NOS1: variants seen among roughly 807,000 people sequenced by gnomAD.
The protein encoded by NOS1 is nitric oxide synthase 1, also known as NOS type I.
NOS1 carries 51 observed loss-of-function variants against 164.5 expected under a neutral mutation model. The observed-to-expected ratio is 0.31, with a 90% CI of 0.25 to 0.39. The LOEUF is 0.39. Ranked by LOEUF, NOS1 falls within the 10% of genes least tolerant of loss-of-function variation. NOS1 has a pLI of 1.00. For synonymous variants in NOS1, 719 were observed against 745.8 expected (o/e 0.96, Z 0.59); for missense variants, 1,362 against 1,885.6 (o/e 0.72, Z 5.14).
Position 117,260,073 on chromosome 12 carries a change from C to T in NOS1, c.2367+392G>A, listed in dbSNP as rs1219667974. Among the ~76,000 whole-genome samples the T allele has an allele frequency of 1.0e-4, 15 of 148,678 alleles. No individual in the cohort carries two copies. In the South Asian group the frequency reaches 1.5e-3, roughly 15 times the overall value. On this transcript the variant is annotated intron_variant, in intron 14 of 28. Transcript: ENST00000317775. ...GGTGGAGCTTGCAGTGAGCCGAGATCGCGCCACTGCACTCCAGCCTGGGTG... is the reference window on the plus strand; with the variant it reads ...GGTGGAGCTTGCAGTGAGCCGAGATTGCGCCACTGCACTCCAGCCTGGGTG...
intron 16 of NOS1, among the ~76,000 whole-genome samples, chr12:117,255,721 G>C (rs1400302445): frequency 6.6e-6 from 1 of 152,212 alleles, no homozygotes; most frequent in Non-Finnish European, 1.5e-5. Flanking sequence ...GAAGTGGGTA[G>C]GGCAGAGCTA....
At chr12:117,340,385 C>G (rs1876040262) in intron 1 of NOS1, among the ~76,000 whole-genome samples, 1 of 152,194 alleles carries the variant, frequency 6.6e-6, no homozygotes, top group African/African-American at 2.4e-5. Flanking sequence ...GTCTGATTCT[C>G]TACTTGGCTT....
At chr12:117,283,566 A>G (rs1434379281) in intron 7 of NOS1, among the ~76,000 whole-genome samples, 1 of 152,140 alleles carries the variant, frequency 6.6e-6, no homozygotes, top group African/African-American at 2.4e-5. Flanking sequence ...TTTGAAAACT[A>G]CCAGAAGAGA....
chr12:117,359,873 G>GTT lies in NOS1; in HGVS notation c.-421+1637_-421+1638dup, dbSNP rs1366549368. 5.6e-4 allele frequency among the ~76,000 whole-genome samples: 19 copies of GTT among 33,980 alleles called. 1 individual carries two copies. Among genetic ancestry groups the GTT allele is most frequent in the East Asian group, 9.5e-4 (1 of 1,048 alleles). 22.3% of individuals were successfully genotyped at this position (33,980 alleles called of 152,430 possible). The stretch of plus-strand genomic sequence containing the variant: ...CCGGTCCCAGAGCATTACAATAATG[G>GTT]TTTTATATATATATATATATATATA... On this transcript the variant is annotated intron_variant, in intron 1 of 28. Transcript: ENST00000317775.
At chr12:117,285,212 GCTCCCCA>G in intron 7 of NOS1, 22 bp downstream of exon 7, 1 of 1,536,734 alleles carries the variant, frequency 6.5e-7, no homozygotes, top group Middle Eastern at 1.7e-4. Context: ...TTGACCTCCT[GCTCCCCA>G]GTGCCCAGCT....
Position 117,247,477 on chromosome 12 carries a change from G to A in NOS1, c.2694C>T (p.Cys898=), listed in dbSNP as rs375782081. 149 of 1,612,224 alleles carry A rather than the reference G, an allele frequency of 9.2e-5. No individual in the cohort carries two copies. The highest frequency in any genetic ancestry group is 1.2e-4 in the South Asian group (11 of 90,736). Residue 898 remains cysteine (C), a synonymous_variant, in exon 18 of 29, where the codon TGC becomes TGT. Transcript: ENST00000317775. ...GLGSRAYPHF[C]AFGHAVDTLL... ...GGGTGTCCACAGCGTGTCCGAAGGCGCAAAAGTGAGGGTATGCTCGTGAGC... is the reference window on the plus strand; with the variant it reads ...GGGTGTCCACAGCGTGTCCGAAGGCACAAAAGTGAGGGTATGCTCGTGAGC...
rs567216502 is a variant in NOS1 at position 117,344,208 on chromosome 12, G to A, written c.-420-12719C>T. Among the ~76,000 whole-genome samples, 16 of 152,294 alleles carry A rather than the reference G, an allele frequency of 1.1e-4. No homozygotes were observed. The East Asian group carries it at 1.2e-3, about 11-fold the overall frequency. On this transcript the variant is annotated intron_variant, in intron 1 of 28. Coordinates refer to ENST00000317775, the MANE Select transcript of NOS1 (RefSeq NM_000620.5). Reference sequence around the variant, plus strand: ...CATTTGCTGGCCACATGGAGCTAAAGCACCACAGGTCTGCTTTCATCTGCA... The same window carrying A: ...CATTTGCTGGCCACATGGAGCTAAAACACCACAGGTCTGCTTTCATCTGCA...
At chr12:117,294,465 T>C (rs190575107) in intron 3 of NOS1, among the ~76,000 whole-genome samples, 220 of 152,306 alleles carry the variant, frequency 1.4e-3, no homozygotes, top group Admixed American at 0.011. Context: ...CCCTCCGCCC[T>C]GGGTTTCACT....
Position 117,234,776 on chromosome 12 carries a change from G to C in NOS1, c.3042-18C>G, listed in dbSNP as rs1269904616. The stretch of plus-strand genomic sequence containing the variant: ...TTGACCGACTGCAGGAAATTGCAGA[G>C]GAATCATAGGACAAGGGCCAGCAGC... On this transcript the variant is annotated intron_variant, in intron 20 of 28. Coordinates refer to ENST00000317775, the MANE Select transcript of NOS1 (RefSeq NM_000620.5). This position sits in a 1 kb window ranked among gnomAD's most constrained non-coding sequence, Gnocchi z 4.3. The C allele has an allele frequency of 6.3e-7, 1 of 1,598,274 alleles. No individual in the cohort carries two copies.
At chr12:117,321,552 T>TG (rs1348979415) in intron 2 of NOS1, among the ~76,000 whole-genome samples, 1 of 151,986 alleles carries the variant, frequency 6.6e-6, no homozygotes, top group Non-Finnish European at 1.5e-5. Flanking sequence ...GGGACACAGA[T>TG]GGGGAGAGGG....
intron 8 of NOS1, among the ~76,000 whole-genome samples, chr12:117,279,168 G>A (rs1873424800): frequency 6.6e-6 from 1 of 151,858 alleles, no homozygotes; most frequent in Non-Finnish European, 1.5e-5. Context: ...CATGAGGTCA[G>A]GATATTGAGA....
intron 3 of NOS1, among the ~76,000 whole-genome samples, chr12:117,310,139 CT>C (rs1309838770): frequency 6.6e-6 from 1 of 152,186 alleles, no homozygotes; most frequent in African/African-American, 2.4e-5. Flanking sequence ...AATTCCTGGG[CT>C]CAAGTGATCC....
chr12:117,226,209 G>C (rs527982782), intron 24 of NOS1, among the ~76,000 whole-genome samples: 1 of 152,280 alleles, frequency 6.6e-6, no homozygotes, highest in South Asian at 2.1e-4. Context: ...GTTATTGATC[G>C]ACAAAACAGG....
chr12:117,303,297 C>T (rs574162139), intron 3 of NOS1, among the ~76,000 whole-genome samples: 94 of 152,294 alleles, frequency 6.2e-4, no homozygotes, highest in Non-Finnish European at 1.1e-3. Flanking sequence ...AAGCCTGTCC[C>T]CCACCTTTCT....
rs1874023101 is a variant in NOS1 at position 117,285,243 on chromosome 12, G to C, written c.1380C>G (p.Leu460=). 5 of 1,610,556 alleles carry C rather than the reference G, an allele frequency of 3.1e-6. 1 individual carries two copies. The Middle Eastern group carries it at 6.6e-4, about 213-fold the overall frequency. Residue 460 remains leucine (L), a splice_region_variant and synonymous_variant, in exon 7 of 29, where the codon CTC becomes CTG. Transcript: ENST00000317775. ...HVKYATNKGN[L]RSAITIFPQR... ...CAGTGCCCAGCTGGTCAGCTCACCTGAGGTTCCCTTTGTTGGTGGCATACT... is the reference window on the plus strand; with the variant it reads ...CAGTGCCCAGCTGGTCAGCTCACCTCAGGTTCCCTTTGTTGGTGGCATACT...
At chr12:117,334,515 G>C (rs1359396293) in intron 1 of NOS1, among the ~76,000 whole-genome samples, 3 of 152,104 alleles carry the variant, frequency 2.0e-5, no homozygotes, top group African/African-American at 7.2e-5. Flanking sequence ...TCTAGCCTCA[G>C]CCTCCCGAGT....
chr12:117,336,408 A>G (rs1430957111), intron 1 of NOS1, among the ~76,000 whole-genome samples: 6 of 152,238 alleles, frequency 3.9e-5, no homozygotes, highest in Admixed American at 2.0e-4. Context: ...GACCAGCCAT[A>G]GCTGGAGCAT....
At chr12:117,265,614 T>C (rs1347754445) in intron 11 of NOS1, 104 bp from the exon 12 acceptor site, 6 of 823,610 alleles carry the variant, frequency 7.3e-6, no homozygotes, top group Non-Finnish European at 1.1e-5. Context: ...GTCCCTGAGA[T>C]GGTTTAGAGC....
At chr12:117,282,710 G>T (rs187961218) in intron 7 of NOS1, among the ~76,000 whole-genome samples, 1 of 152,160 alleles carries the variant, frequency 6.6e-6, no homozygotes, top group South Asian at 2.1e-4. Flanking sequence ...TAACAGAGGC[G>T]CCATCTTGGA....
Sources: allele counts gnomAD v4.1 joint callset (sites outside exome capture counted in the v4.1 genomes callset), GRCh38; gene constraint gnomAD v4.1.1; non-coding constraint Gnocchi (gnomAD v3.1); transcripts MANE v1.5; gene names NCBI Gene and HGNC (gene_info 2026-07-23, HGNC 2026-07-21).